IMPACT: variants seen among roughly 807,000 people sequenced by gnomAD.
IMPACT encodes the protein impact RWD domain protein, also known as protein IMPACT.
IMPACT carries 35 observed loss-of-function variants against 47.5 expected under a neutral mutation model. The observed-to-expected ratio is 0.74, with a 90% CI of 0.56 to 0.98. The LOEUF (loss-of-function observed/expected upper bound fraction) is 0.98. Among genes scored for constraint, IMPACT ranks in the 50% least tolerant of loss-of-function variants. IMPACT has a pLI of 0.00. For missense variants in IMPACT, 373 were observed against 394.8 expected, an observed-to-expected ratio of 0.94 and a Z score of 0.47; for synonymous variants, 118 against 125.6, an observed-to-expected ratio of 0.94 and a Z score of 0.40.
chr18:24,427,796 A>G, intron 1 of IMPACT, 123 bp from the exon 2 acceptor site: 1 of 867,318 alleles, frequency 1.2e-6, no homozygotes. Context: ...TGGCCTGGTG[A>G]GGCTCATCTA....
intron 4 of IMPACT, among the ~76,000 whole-genome samples, chr18:24,432,242 G>C (rs186310718): frequency 2.0e-5 from 3 of 152,322 alleles, no homozygotes; most frequent in Admixed American, 2.0e-4. Flanking sequence ...ACATCAGTTA[G>C]GGGGCTAATG....
intron 6 of IMPACT, among the ~76,000 whole-genome samples, chr18:24,442,671 A>C (rs1030071214): frequency 2.0e-5 from 3 of 152,172 alleles, no homozygotes; most frequent in Non-Finnish European, 4.4e-5. Flanking sequence ...CTGATAAATA[A>C]ATTTTATATT....
At chr18:24,426,859 C>T (rs1259725539) in intron 1 of IMPACT, 67 bp downstream of exon 1, 2 of 1,142,354 alleles carry the variant, frequency 1.8e-6, no homozygotes, top group Non-Finnish European at 2.2e-6. Flanking sequence ...GCCAGTCCTC[C>T]TCAGCCGAGG....
At chr18:24,449,467 G>T (rs1260162381) in intron 9 of IMPACT, among the ~76,000 whole-genome samples, 2 of 152,156 alleles carry the variant, frequency 1.3e-5, no homozygotes, top group Admixed American at 1.3e-4. Flanking sequence ...TTGTTATTTG[G>T]CCTAGTGGTA....
chr18:24,431,040 G>T (rs892077823), intron 4 of IMPACT, among the ~76,000 whole-genome samples: 2 of 152,198 alleles, frequency 1.3e-5, no homozygotes, highest in African/African-American at 4.8e-5. Flanking sequence ...GATCCTGGGT[G>T]CAGGTATGGC....
intron 5 of IMPACT, 27 bp from the exon 6 acceptor site, chr18:24,440,469 A>C (rs376256573): frequency 6.2e-7 from 1 of 1,604,126 alleles, no homozygotes; most frequent in Non-Finnish European, 8.5e-7. Context: ...CTGCGTCATA[A>C]AGTAATTGTG....
rs527614470 is a variant in IMPACT, at chr18:24,452,325, G to C, written c.*1478G>C. The C allele has an allele frequency of 6.6e-6, 1 of 152,286 alleles. No individual in the cohort carries two copies. The highest frequency in any genetic ancestry group is 2.1e-4 in the South Asian group (1 of 4,816). 9.4% of individuals were successfully genotyped at this position (152,286 alleles called of 1,614,324 possible). On this transcript the variant is annotated 3_prime_UTR_variant, in exon 11 of 11. Transcript: ENST00000284202. ...TGTTGTATGTTATCAGGAGCCATCA[G>C]AGAATGACCTTTTTGTGTTTGGAAC...
intron 7 of IMPACT, among the ~76,000 whole-genome samples, chr18:24,444,301 G>T (rs1305105419): frequency 6.6e-6 from 1 of 152,188 alleles, no homozygotes; most frequent in Non-Finnish European, 1.5e-5. Context: ...ACAAGTTTTA[G>T]AGGTCATTGT....
chr18:24,432,938 T>C (rs932052035), intron 4 of IMPACT, among the ~76,000 whole-genome samples: 66 of 152,272 alleles, frequency 4.3e-4, no homozygotes, highest in Non-Finnish European at 3.5e-4. Flanking sequence ...TTCACCTGCC[T>C]ATCCCCTATC....
At position 24,429,887 on chromosome 18, in the gene IMPACT, C is replaced by T. The variant is rs144002319; in HGVS notation, c.219-435C>T. Among the ~76,000 whole-genome samples the T allele has an allele frequency of 6.9e-3, 1,053 of 151,740 alleles. 17 individuals carry two copies. The highest frequency in any genetic ancestry group is 0.024 in the African/African-American group (979 of 41,362). Reference sequence around the variant, plus strand: ...CCGCCTCCCGGGTTCACACCATTTTCCTGCCTCAGCCTCCCAAATAGCTGG... The same window carrying T: ...CCGCCTCCCGGGTTCACACCATTTTTCTGCCTCAGCCTCCCAAATAGCTGG... On this transcript the variant is annotated intron_variant, in intron 3 of 10. Coordinates refer to ENST00000284202, the MANE Select transcript of IMPACT (RefSeq NM_018439.4).
intron 5 of IMPACT, chr18:24,439,578 A>C (rs1385627399): frequency 1.4e-5 from 2 of 146,664 alleles, no homozygotes; most frequent in Admixed American, 7.0e-5. Flanking sequence ...CGGAGCCTGC[A>C]GTGAGCCGAG....
At position 24,453,370 on chromosome 18, in the gene IMPACT, CTTATA is replaced by C. The variant is rs1253222839; in HGVS notation, c.*2528_*2532del. The stretch of plus-strand genomic sequence containing the variant: ...ATTATTAATATTTGGTATGTACATC[CTTATA>C]TTATTTTTTTCTTATGCATGATTTT... On this transcript the variant is annotated 3_prime_UTR_variant, in exon 11 of 11. Coordinates refer to ENST00000284202, the MANE Select transcript of IMPACT (RefSeq NM_018439.4). The C allele has an allele frequency of 1.3e-5, 2 of 151,882 alleles. No individual in the cohort carries two copies. Among genetic ancestry groups the C allele is most frequent in the Non-Finnish European group, 2.9e-5 (2 of 67,970 alleles). The allele number at this position is 151,882 out of a possible 1,614,324, so 9.4% of individuals were successfully genotyped here.
chr18:24,436,197 T>C (rs1908935397), intron 4 of IMPACT, among the ~76,000 whole-genome samples: 1 of 152,186 alleles, frequency 6.6e-6, no homozygotes, highest in Non-Finnish European at 1.5e-5. Flanking sequence ...GGGGATAATA[T>C]TGTAAGCATT....
chr18:24,434,798 T>TGA (rs1908867763), intron 4 of IMPACT, among the ~76,000 whole-genome samples: 1 of 31,308 alleles, frequency 3.2e-5, no homozygotes, highest in African/African-American at 6.9e-5. Flanking sequence ...TATATATATG[T>TGA]GTGTGTGTGT....
chr18:24,443,975 G>C (rs1568089242), intron 7 of IMPACT, among the ~76,000 whole-genome samples: 1 of 152,062 alleles, frequency 6.6e-6, no homozygotes, highest in Non-Finnish European at 1.5e-5. Context: ...CTCTTCCTTT[G>C]GTCTTTGCAG....
At chr18:24,432,163 T>C (rs1908774931) in intron 4 of IMPACT, among the ~76,000 whole-genome samples, 1 of 152,202 alleles carries the variant, frequency 6.6e-6, no homozygotes, top group Admixed American at 6.5e-5. Flanking sequence ...GATAATATTT[T>C]CATTTAAAAA....
At chr18:24,433,184 CTT>C (rs35543338) in intron 4 of IMPACT, among the ~76,000 whole-genome samples, 15 of 81,108 alleles carry the variant, frequency 1.8e-4, no homozygotes, top group African/African-American at 6.2e-4. Flanking sequence ...ACTTTTAAAA[CTT>C]TTTTTTTTTT....
chr18:24,434,776 A>AAAAAATATATATAT (rs1164402384), intron 4 of IMPACT, among the ~76,000 whole-genome samples: 1 of 113,998 alleles, frequency 8.8e-6, no homozygotes, highest in East Asian at 2.4e-4. Context: ...AAAAAAAAAA[A>AAAAAATATATATAT]ATATATATAT....
chr18:24,443,641 T>A (rs1337621080), intron 7 of IMPACT, among the ~76,000 whole-genome samples: 2 of 152,186 alleles, frequency 1.3e-5, no homozygotes, highest in African/African-American at 4.8e-5. Context: ...TGAAACTAAG[T>A]CCATTCCTCT....
Sources: allele counts gnomAD v4.1 joint callset (sites outside exome capture counted in the v4.1 genomes callset), GRCh38; gene constraint gnomAD v4.1.1; transcripts MANE v1.5; gene names NCBI Gene and HGNC (gene_info 2026-07-23, HGNC 2026-07-21).